Variants in CLTCL1 observed in about 807,000 individuals in gnomAD.
The protein encoded by CLTCL1 is clathrin heavy chain 2.
A neutral mutation model predicts 190.0 loss-of-function variants in CLTCL1; 159 were observed. The observed-to-expected ratio is 0.84, with a 90% CI of 0.74 to 0.95. CLTCL1 has a LOEUF of 0.95. CLTCL1 is among the 40% of genes least tolerant of loss of function. CLTCL1 has a pLI of 0.00. For missense variants in CLTCL1, 1,878 were observed against 2,033.4 expected, an observed-to-expected ratio of 0.92 and a Z score of 1.47; for synonymous variants, 752 against 769.6, an observed-to-expected ratio of 0.98 and a Z score of 0.38.
rs373349455 is a variant in CLTCL1, at chr22:19,268,375, C to T, written c.250+7248G>A. ...AGCCATTTCATTATAGCAGCACAAA[C>T]AGACTAAGACAAGATGTCATTAGGA... On this transcript the variant is annotated intron_variant, in intron 2 of 32. Transcript: ENST00000427926. Among the ~76,000 whole-genome samples the T allele has an allele frequency of 5.7e-4, 87 of 152,242 alleles. 1 individual carries two copies. Among genetic ancestry groups the T allele is most frequent in the African/African-American group, 2.0e-3 (83 of 41,538 alleles).
rs1286772589 is a variant in CLTCL1 at position 19,222,919 on chromosome 22, C to T, written c.2293-110G>A. The T allele has an allele frequency of 3.8e-6, 5 of 1,329,832 alleles. No individual in the cohort carries two copies. The East Asian group carries it at 1.0e-4, about 27-fold the overall frequency. The allele number at this position is 1,329,832 out of a possible 1,614,324, so 82.4% of individuals were successfully genotyped here. Reference sequence around the variant, plus strand: ...TCTGTCTCTGCAGCAGAGTGACACACAGGAGACTCAGAATGAGACTGCTCT... The same window carrying T: ...TCTGTCTCTGCAGCAGAGTGACACATAGGAGACTCAGAATGAGACTGCTCT... On this transcript the variant is annotated intron_variant, in intron 14 of 32. Transcript: ENST00000427926.
chr22:19,243,000 A>G, intron 3 of CLTCL1, 64 bp from the exon 4 acceptor site: 2 of 1,442,940 alleles, frequency 1.4e-6, no homozygotes, highest in South Asian at 1.3e-5. Context: ...AACAATTCTT[A>G]AAATATATTT....
intron 24 of CLTCL1, 30 bp from the exon 25 acceptor site, chr22:19,196,686 G>C (rs782360220): frequency 1.3e-6 from 2 of 1,595,156 alleles, no homozygotes; most frequent in African/African-American, 2.7e-5. Context: ...GCGTGGGGCA[G>C]AGTGATTGCA....
At chr22:19,199,633 A>C in intron 24 of CLTCL1, 101 bp downstream of exon 24, 1 of 792,036 alleles carries the variant, frequency 1.3e-6, no homozygotes, top group South Asian at 1.9e-5. Context: ...TTGCAGATGC[A>C]ACACTGTGAT....
At chr22:19,289,693 T>C (rs1007976577) in intron 1 of CLTCL1, among the ~76,000 whole-genome samples, 2 of 152,092 alleles carry the variant, frequency 1.3e-5, no homozygotes, top group East Asian at 1.9e-4. Flanking sequence ...AGGGAGGCTA[T>C]GACTGAACGA....
rs375106695 is a variant in CLTCL1, at chr22:19,233,181, C to G, written c.1506G>C (p.Val502=). 1.1e-5 allele frequency: 17 copies of G among 1,613,308 alleles called. No individual in the cohort carries two copies. The highest frequency in any genetic ancestry group is 1.4e-5 in the Non-Finnish European group (16 of 1,179,490). Residue 502 remains valine (V), a synonymous_variant, in exon 9 of 33, where the codon GTG becomes GTC. Coordinates refer to ENST00000427926, the MANE Select transcript of CLTCL1 (RefSeq NM_007098.4). ...CACACGTTACCTTTTTGGCATAGAG[C>G]ACAATTTTCTGGAATTGGCCTGTTT... The part of the protein sequence containing the change: ...FAETGQFQKI[V]LYAKKVGYTP...
At chr22:19,254,530 G>A (rs2146090178) in intron 2 of CLTCL1, among the ~76,000 whole-genome samples, 2 of 152,210 alleles carry the variant, frequency 1.3e-5, no homozygotes, top group South Asian at 4.1e-4. Context: ...TTTTAGATTG[G>A]TTTCTTCTAG....
At chr22:19,235,414 C>A (rs2086049713) in intron 6 of CLTCL1, among the ~76,000 whole-genome samples, 1 of 152,252 alleles carries the variant, frequency 6.6e-6, no homozygotes, top group Non-Finnish European at 1.5e-5. Context: ...GCTTTTTCAA[C>A]CCTCCCCAGT....
At position 19,210,479 on chromosome 22, in the gene CLTCL1, G is replaced by A. The variant is rs782241924; in HGVS notation, c.3096C>T (p.Ala1032=). 6.2e-7 allele frequency: 1 copy of A among 1,613,956 alleles called. No individual in the cohort carries two copies. Among genetic ancestry groups the A allele is most frequent in the South Asian group, 1.1e-5 (1 of 91,070 alleles). ...RNLQNLLILT[A]IKADRTRVME... ...TGACCCGTGTGCGGTCTGCCTTGAT[G>A]GCAGTCAGGATCAACAGATTCTGTA... Residue 1032 remains alanine, a synonymous_variant, in exon 20 of 33, where the codon GCC becomes GCT. Coordinates refer to ENST00000427926, the MANE Select transcript of CLTCL1 (RefSeq NM_007098.4).
rs144089394 is a variant in CLTCL1, at chr22:19,218,756, G to A, written c.2919+1129C>T. Among the ~76,000 whole-genome samples, 863 of 152,340 alleles carry A rather than the reference G, an allele frequency of 5.7e-3. 11 individuals are homozygous for A. Among genetic ancestry groups the A allele is most frequent in the African/African-American group, 0.019 (776 of 41,564 alleles). On this transcript the variant is annotated intron_variant, in intron 18 of 32. Coordinates refer to ENST00000427926, the MANE Select transcript of CLTCL1 (RefSeq NM_007098.4). ...ATGTCTGTGAGGCTATAACTGGAGA[G>A]GAGGCTCTTCCACAGGGCTGTGGGA... is the stretch of plus-strand genomic sequence containing the variant.
In CLTCL1 at chr22:19,188,084, T is replaced by C. The variant is rs2084373043; in HGVS notation, c.4331A>G (p.Gln1444Arg). The C allele has an allele frequency of 1.9e-6, 3 of 1,614,012 alleles. No homozygotes were observed. The highest frequency in any genetic ancestry group is 3.3e-4 in the Middle Eastern group (2 of 6,060). ...CAGGTAAGGCTTCACCAGGGGCAGC[T>C]GACCTGCCTGACAAGTTGAGGGAAC... is the stretch of plus-strand genomic sequence containing the variant. ...WTVSFFSKAG[Q>R]LPLVKPYLRS... Residue 1444 changes from glutamine to arginine, a missense_variant, in exon 28 of 33, where the codon CAG becomes CGG. Transcript: ENST00000427926.
intron 26 of CLTCL1, among the ~76,000 whole-genome samples, chr22:19,193,805 T>C (rs1388790108): frequency 1.3e-5 from 2 of 152,198 alleles, no homozygotes. Context: ...TTCCTTCTGG[T>C]GGGTTCGTGA....
intron 2 of CLTCL1, among the ~76,000 whole-genome samples, chr22:19,256,367 T>TA (rs1555972519): frequency 2.8e-5 from 4 of 144,878 alleles, no homozygotes; most frequent in African/African-American, 1.0e-4. Flanking sequence ...TTTTTTTTTT[T>TA]TTTTTTTGAG....
intron 2 of CLTCL1, among the ~76,000 whole-genome samples, chr22:19,270,407 T>G (rs2087270180): frequency 6.6e-6 from 1 of 151,982 alleles, no homozygotes; most frequent in South Asian, 2.1e-4. Flanking sequence ...TCCACAACTC[T>G]ATGAATTCAC....
At position 19,226,503 on chromosome 22, in the gene CLTCL1, T is replaced by C. The variant is rs572822384; in HGVS notation, c.1783-120A>G. 8 of 1,069,012 alleles carry C rather than the reference T, an allele frequency of 7.5e-6. No individual in the cohort carries two copies. The South Asian group carries it at 1.0e-4, about 14-fold the overall frequency. 66.2% of individuals were successfully genotyped at this position (1,069,012 alleles called of 1,614,324 possible). A position where few individuals can be genotyped will look rare whatever the true frequency, so the allele number is the denominator to read the frequency against. On this transcript the variant is annotated intron_variant, in intron 11 of 32. Transcript: ENST00000427926. ...GGCAACCAGAACTCACAGGCCCCTG[T>C]CCACATCCATACCTCTGTGGTGGCA...
At chr22:19,237,713 T>C (rs2145912804) in intron 5 of CLTCL1, among the ~76,000 whole-genome samples, 1 of 152,328 alleles carries the variant, frequency 6.6e-6, no homozygotes, top group East Asian at 1.9e-4. Flanking sequence ...ACATACATTA[T>C]GTTACTGGAA....
chr22:19,232,833 T>G lies in CLTCL1; in HGVS notation c.1522-235A>C, dbSNP rs1180817728. On this transcript the variant is annotated intron_variant, in intron 9 of 32. Coordinates refer to ENST00000427926, the MANE Select transcript of CLTCL1 (RefSeq NM_007098.4). ...CCCAGACCACAAAGAAGTTTCCTGA[T>G]CTGTGTGCAAACACAGCCTGCCAGT... 1.4e-5 allele frequency: 9 copies of G among 625,438 alleles called. No individual in the cohort carries two copies. The East Asian group carries it at 2.7e-4, about 19-fold the overall frequency. 38.7% of individuals were successfully genotyped at this position (625,438 alleles called of 1,614,324 possible).
In CLTCL1 at chr22:19,252,785, C is replaced by A. The variant is rs545325158; in HGVS notation, c.519+1174G>T. ...ATCCCAGCACTTTGGGAGGCCAAGG[C>A]GGGCGGATCACGAGGTCAGGAGATC... is the stretch of plus-strand genomic sequence containing the variant. On this transcript the variant is annotated intron_variant, in intron 3 of 32. Coordinates refer to ENST00000427926, the MANE Select transcript of CLTCL1 (RefSeq NM_007098.4). 6.6e-5 allele frequency among the ~76,000 whole-genome samples: 10 copies of A among 152,250 alleles called. No homozygotes were observed. In the South Asian group the frequency reaches 1.9e-3, roughly 28 times the overall value.
At chr22:19,226,836 C>A (rs184704810) in intron 11 of CLTCL1, among the ~76,000 whole-genome samples, 2 of 152,186 alleles carry the variant, frequency 1.3e-5, no homozygotes, top group East Asian at 3.9e-4. Context: ...CTCCCAGGTT[C>A]AAGCGATTCT....
Sources: allele counts gnomAD v4.1 joint callset (sites outside exome capture counted in the v4.1 genomes callset), GRCh38; gene constraint gnomAD v4.1.1; transcripts MANE v1.5; gene names NCBI Gene and HGNC (gene_info 2026-07-23, HGNC 2026-07-21).